CDH12: variants seen among roughly 807,000 people sequenced by gnomAD.
CDH12 encodes the protein cadherin-12.
CDH12 carries 41 observed loss-of-function variants against 74.1 expected under a neutral mutation model. The ratio of observed to expected loss-of-function variants is 0.55; its 90% CI spans 0.43 to 0.72. The LOEUF (loss-of-function observed/expected upper bound fraction) is 0.72, where lower values mean the gene tolerates loss of function less well. Among genes scored for constraint, CDH12 ranks in the 30% least tolerant of loss-of-function variants. CDH12 has a pLI of 0.00. For synonymous variants in CDH12, 399 were observed against 355.0 expected, an observed-to-expected ratio of 1.12 and a Z score of -1.39; for missense variants, 945 against 977.2, an observed-to-expected ratio of 0.97 and a Z score of 0.44.
intron 4 of CDH12, among the ~76,000 whole-genome samples, chr5:22,108,420 A>C (rs1257640719): frequency 6.6e-6 from 1 of 152,246 alleles, no homozygotes; most frequent in Non-Finnish European, 1.5e-5. Context: ...ATAATCAAAA[A>C]GATAATATTT....
In CDH12 at chr5:21,751,540, C is replaced by G. The variant is rs1023213725; in HGVS notation, c.*197G>C. The G allele has an allele frequency of 7.0e-6, 4 of 572,298 alleles. No homozygotes were observed. The highest frequency in any genetic ancestry group is 1.2e-5 in the Non-Finnish European group (4 of 326,564). 35.5% of individuals were successfully genotyped at this position (572,298 alleles called of 1,614,324 possible). On this transcript the variant is annotated 3_prime_UTR_variant, in exon 15 of 15. Coordinates refer to ENST00000382254, the MANE Select transcript of CDH12 (RefSeq NM_004061.5). ...ATGTATCTCTTGTTGGCAGAATAAACCAAAACTGACAATATGATTAATTTA... is the reference window on the plus strand; with the variant it reads ...ATGTATCTCTTGTTGGCAGAATAAAGCAAAACTGACAATATGATTAATTTA...
At chr5:22,474,268 A>G (rs1746081974) in intron 2 of CDH12, among the ~76,000 whole-genome samples, 2 of 152,146 alleles carry the variant, frequency 1.3e-5, no homozygotes, top group South Asian at 2.1e-4. Flanking sequence ...CCCAAAGGAA[A>G]AGCCAAGAAC....
At chr5:22,777,368 G>T (rs1747156679) in intron 1 of CDH12, among the ~76,000 whole-genome samples, 1 of 151,972 alleles carries the variant, frequency 6.6e-6, no homozygotes, top group South Asian at 2.1e-4. Flanking sequence ...AGTTGTTTTA[G>T]GTTAGGATAG....
chr5:22,786,678 G>A (rs1373837630), intron 1 of CDH12, among the ~76,000 whole-genome samples: 3 of 151,978 alleles, frequency 2.0e-5, no homozygotes, highest in Non-Finnish European at 4.4e-5. Flanking sequence ...GGAGAATAGA[G>A]GAAGTCTATG....
chr5:22,729,700 C>A (rs1744335230), intron 1 of CDH12, among the ~76,000 whole-genome samples: 1 of 151,880 alleles, frequency 6.6e-6, no homozygotes, highest in Admixed American at 6.6e-5. Flanking sequence ...TAGAAATCCT[C>A]TTAGTAGAAT....
chr5:22,825,444 T>C (rs2126486937), intron 1 of CDH12, among the ~76,000 whole-genome samples: 1 of 152,172 alleles, frequency 6.6e-6, no homozygotes, highest in East Asian at 1.9e-4. Context: ...CGAAGAAAGT[T>C]AGAGTAAGCC....
intron 3 of CDH12, among the ~76,000 whole-genome samples, chr5:22,283,267 CACACACACATATACACACAT>C (rs1394549373): frequency 7.0e-6 from 1 of 142,880 alleles, no homozygotes; most frequent in African/African-American, 2.7e-5. Context: ...CACACACACA[CACACACACATATACACACAT>C]ATATATATAG....
Position 22,722,852 on chromosome 5 carries a change from A to G in CDH12, c.-523+130206T>C, listed in dbSNP as rs72748713. On this transcript the variant is annotated intron_variant, in intron 1 of 14. Coordinates refer to ENST00000382254, the MANE Select transcript of CDH12 (RefSeq NM_004061.5). Reference sequence around the variant, plus strand: ...TGGTGCTAAATTTGTGTTTCTGTCCATATGTGTTTATGCACCTTGAGTTGT... The same window carrying G: ...TGGTGCTAAATTTGTGTTTCTGTCCGTATGTGTTTATGCACCTTGAGTTGT... Among the ~76,000 whole-genome samples the G allele has an allele frequency of 5.4e-3, 815 of 152,330 alleles. 7 individuals carry two copies. The highest frequency in any genetic ancestry group is 0.014 in the Middle Eastern group (4 of 294).
chr5:22,249,572 A>T (rs1299110394), intron 3 of CDH12, among the ~76,000 whole-genome samples: 1 of 152,190 alleles, frequency 6.6e-6, no homozygotes, highest in Non-Finnish European at 1.5e-5. Flanking sequence ...GTGACAATAA[A>T]ATGCTGGCAC....
chr5:22,194,935 G>A (rs1750537299), intron 4 of CDH12, among the ~76,000 whole-genome samples: 1 of 152,098 alleles, frequency 6.6e-6, no homozygotes, highest in Non-Finnish European at 1.5e-5. Context: ...GAGCACCTTG[G>A]GAGTTTCACA....
intron 1 of CDH12, among the ~76,000 whole-genome samples, chr5:22,830,872 T>C (rs1736573603): frequency 6.6e-6 from 1 of 151,644 alleles, no homozygotes; most frequent in Non-Finnish European, 1.5e-5. Context: ...ATAATATATA[T>C]GATTAATATT....
chr5:22,617,604 A>C (rs1737755625), intron 1 of CDH12, among the ~76,000 whole-genome samples: 1 of 152,148 alleles, frequency 6.6e-6, no homozygotes, highest in African/African-American at 2.4e-5. Flanking sequence ...CAATCCTGTT[A>C]AACATTCTCA....
intron 1 of CDH12, among the ~76,000 whole-genome samples, chr5:22,834,389 A>T (rs1242797225): frequency 1.3e-5 from 2 of 152,186 alleles, no homozygotes; most frequent in African/African-American, 2.4e-5. Context: ...TTTGACCTCA[A>T]CACCAACAGA....
intron 4 of CDH12, among the ~76,000 whole-genome samples, chr5:22,117,826 G>A (rs963767525): frequency 2.0e-5 from 3 of 148,856 alleles, no homozygotes; most frequent in Non-Finnish European, 4.5e-5. Flanking sequence ...TGAAAAAAAT[G>A]TAATGTTATA....
intron 1 of CDH12, among the ~76,000 whole-genome samples, chr5:22,731,428 C>G (rs955712022): frequency 3.4e-4 from 52 of 151,946 alleles, no homozygotes; most frequent in African/African-American, 1.2e-3. Flanking sequence ...AAATTACCTA[C>G]TTTTCATTTC....
intron 4 of CDH12, among the ~76,000 whole-genome samples, chr5:22,135,275 T>G (rs897788436): frequency 6.8e-6 from 1 of 146,344 alleles, no homozygotes. Flanking sequence ...CACCTTAGAG[T>G]GTTTTTGTTT....
intron 4 of CDH12, among the ~76,000 whole-genome samples, chr5:22,157,053 C>T (rs1748064791): frequency 6.6e-6 from 1 of 151,870 alleles, no homozygotes; most frequent in African/African-American, 2.4e-5. Context: ...GACTAGAAAG[C>T]ATCTACATCA....
At chr5:22,342,349 G>T (rs1216680193) in intron 3 of CDH12, among the ~76,000 whole-genome samples, 2 of 152,120 alleles carry the variant, frequency 1.3e-5, no homozygotes, top group African/African-American at 2.4e-5. Context: ...AGAAACCATA[G>T]AATGTATCTA....
intron 1 of CDH12, among the ~76,000 whole-genome samples, chr5:22,715,874 C>T (rs1043079171): frequency 4.0e-5 from 6 of 151,434 alleles, no homozygotes; most frequent in Admixed American, 2.6e-4. Context: ...CGTTGGGTTA[C>T]GCCTGTAATC....
Sources: allele counts gnomAD v4.1 joint callset (sites outside exome capture counted in the v4.1 genomes callset), GRCh38; gene constraint gnomAD v4.1.1; transcripts MANE v1.5; gene names NCBI Gene and HGNC (gene_info 2026-07-23, HGNC 2026-07-21).